EXOC4: variants seen among roughly 807,000 people sequenced by gnomAD.
The protein encoded by EXOC4 is exocyst complex component 4.
Under a neutral mutation model 107.2 loss-of-function variants are expected in EXOC4, and 71 were observed. The observed-to-expected ratio is 0.66, with a 90% CI of 0.55 to 0.81. The LOEUF is 0.81. Among genes scored for constraint, EXOC4 ranks in the 30% least tolerant of loss-of-function variants. The pLI is 0.00. For synonymous variants in EXOC4, 456 were observed against 441.2 expected, an observed-to-expected ratio of 1.03 and a Z score of -0.42; for missense variants, 1,108 against 1,189.6, an observed-to-expected ratio of 0.93 and a Z score of 1.01.
chr7:133,441,045 A>T (rs570716662), intron 7 of EXOC4, among the ~76,000 whole-genome samples: 2 of 152,120 alleles, frequency 1.3e-5, no homozygotes, highest in Non-Finnish European at 2.9e-5. Flanking sequence ...TTTTAGTACT[A>T]TTGGGAGATT....
rs908217056 is a variant in EXOC4 at position 133,782,906 on chromosome 7, C to T, written c.1515-34419C>T. 2.6e-5 allele frequency among the ~76,000 whole-genome samples: 4 copies of T among 152,126 alleles called. No homozygotes were observed. The South Asian group carries it at 8.3e-4, about 32-fold the overall frequency. On this transcript the variant is annotated intron_variant, in intron 10 of 17. Coordinates refer to ENST00000253861, the MANE Select transcript of EXOC4 (RefSeq NM_021807.4). ...CTGGTGGATTCTGTATGGTCACTCG[C>T]CCAGGCCATTGGAAAGCAGGGTGTC...
intron 12 of EXOC4, among the ~76,000 whole-genome samples, chr7:133,912,602 T>C (rs955317860): frequency 7.9e-5 from 12 of 152,306 alleles, no homozygotes; most frequent in African/African-American, 2.9e-4. Flanking sequence ...ATCTAGACTT[T>C]TGAAATTGAA....
intron 11 of EXOC4, among the ~76,000 whole-genome samples, chr7:133,839,829 C>T (rs1436415053): frequency 1.3e-5 from 2 of 152,170 alleles, no homozygotes; most frequent in East Asian, 3.9e-4. Flanking sequence ...ACAGTTCATG[C>T]ACTTATTTAG....
intron 2 of EXOC4, among the ~76,000 whole-genome samples, chr7:133,284,889 C>T (rs1214308832): frequency 6.6e-6 from 1 of 152,132 alleles, no homozygotes; most frequent in African/African-American, 2.4e-5. Context: ...AAAGACTGGA[C>T]TCTCCTACCT....
rs545954106 is a variant in EXOC4 at position 133,884,136 on chromosome 7, A to T, written c.1735-11463A>T. Among the ~76,000 whole-genome samples, 3 of 152,346 alleles carry T rather than the reference A, an allele frequency of 2.0e-5. No individual in the cohort carries two copies. In the South Asian group the frequency reaches 6.2e-4, roughly 32 times the overall value. On this transcript the variant is annotated intron_variant, in intron 11 of 17. Transcript: ENST00000253861. ...TTTCACGATTGCTTCTTGTTGTGCCAAACCCTTGTTAACCTCAATAGGAAA... is the reference window on the plus strand; with the variant it reads ...TTTCACGATTGCTTCTTGTTGTGCCTAACCCTTGTTAACCTCAATAGGAAA...
chr7:133,636,428 G>T (rs912678760), intron 10 of EXOC4, among the ~76,000 whole-genome samples: 20 of 152,122 alleles, frequency 1.3e-4, no homozygotes, highest in African/African-American at 4.8e-4. Context: ...AAAAGTTTAT[G>T]CAAAAAGTGA....
chr7:133,430,065 A>G (rs1018849755), intron 7 of EXOC4, among the ~76,000 whole-genome samples: 1 of 152,182 alleles, frequency 6.6e-6, no homozygotes. Context: ...GTTTTTGTCT[A>G]GCATCCAGGA....
intron 7 of EXOC4, among the ~76,000 whole-genome samples, chr7:133,421,421 C>G (rs1797604519): frequency 1.3e-5 from 2 of 152,126 alleles, no homozygotes; most frequent in Admixed American, 6.5e-5. Flanking sequence ...TCCTTGCTGA[C>G]CTAACGTAAA....
At chr7:134,025,435 C>T (rs562223040) in intron 17 of EXOC4, among the ~76,000 whole-genome samples, 19 of 152,318 alleles carry the variant, frequency 1.2e-4, no homozygotes, top group Middle Eastern at 3.4e-3. Flanking sequence ...CATCCCAAAG[C>T]GCAGTACCTA....
At chr7:133,936,027 TCTC>T (rs1347530891) in intron 13 of EXOC4, among the ~76,000 whole-genome samples, 23 of 152,186 alleles carry the variant, frequency 1.5e-4, no homozygotes, top group Non-Finnish European at 2.8e-4. Flanking sequence ...CCTGGGTTTA[TCTC>T]ACTTTGAAGT....
intron 14 of EXOC4, among the ~76,000 whole-genome samples, chr7:133,985,999 T>C (rs1410262240): frequency 1.3e-5 from 2 of 152,226 alleles, no homozygotes; most frequent in Non-Finnish European, 2.9e-5. Context: ...CAGGGAATGA[T>C]TGCTCCGTTA....
At chr7:133,905,255 G>GA (rs1799540912) in intron 12 of EXOC4, among the ~76,000 whole-genome samples, 1 of 152,144 alleles carries the variant, frequency 6.6e-6, no homozygotes, top group Non-Finnish European at 1.5e-5. Flanking sequence ...GAGGAAAGGT[G>GA]AAAAACATAT....
chr7:133,474,828 C>T (rs1563079469), intron 7 of EXOC4, among the ~76,000 whole-genome samples: 2 of 152,006 alleles, frequency 1.3e-5, no homozygotes, highest in Non-Finnish European at 1.5e-5. Flanking sequence ...CTTTACAGGT[C>T]TTGAACCTCT....
chr7:133,786,097 T>C (rs1796564064), intron 10 of EXOC4, among the ~76,000 whole-genome samples: 1 of 152,158 alleles, frequency 6.6e-6, no homozygotes, highest in African/African-American at 2.4e-5. Context: ...GTAAATAAAA[T>C]AAACCAATAC....
At chr7:133,348,294 T>C (rs190819140) in intron 5 of EXOC4, among the ~76,000 whole-genome samples, 1 of 152,328 alleles carries the variant, frequency 6.6e-6, no homozygotes, top group Admixed American at 6.5e-5. Flanking sequence ...CTAGGAGATT[T>C]CAGGAGACAA....
chr7:133,652,659 G>A (rs1340827009), intron 10 of EXOC4, among the ~76,000 whole-genome samples: 1 of 152,104 alleles, frequency 6.6e-6, no homozygotes, highest in African/African-American at 2.4e-5. Context: ...AGATTGCAGG[G>A]TGGCTGGGAA....
At chr7:133,770,611 A>C (rs181647383) in intron 10 of EXOC4, among the ~76,000 whole-genome samples, 1 of 152,056 alleles carries the variant, frequency 6.6e-6, no homozygotes, top group East Asian at 1.9e-4. Context: ...AAACATACAT[A>C]TACATATGTA....
At chr7:133,383,234 AC>A (rs1410796533) in intron 7 of EXOC4, among the ~76,000 whole-genome samples, 1 of 151,944 alleles carries the variant, frequency 6.6e-6, no homozygotes, top group East Asian at 1.9e-4. Context: ...CTTTGAACAA[AC>A]CCATCCTCCA....
intron 7 of EXOC4, among the ~76,000 whole-genome samples, 190 bp downstream of exon 7, chr7:133,375,192 C>T (rs920797331): frequency 3.3e-5 from 5 of 152,204 alleles, no homozygotes; most frequent in African/African-American, 1.2e-4. Context: ...AACTTTTTAA[C>T]AGGCTGTGTG....
Sources: allele counts gnomAD v4.1 joint callset (sites outside exome capture counted in the v4.1 genomes callset), GRCh38; gene constraint gnomAD v4.1.1; transcripts MANE v1.5; gene names NCBI Gene and HGNC (gene_info 2026-07-23, HGNC 2026-07-21).